The following HECW1 variants were observed in gnomAD, a reference collection of about 807,000 sequenced individuals.
The protein encoded by HECW1 is HECT, C2 and WW domain containing E3 ubiquitin protein ligase 1, also known as E3 ubiquitin-protein ligase HECW1.
Under a neutral mutation model 182.3 loss-of-function variants are expected in HECW1, and 61 were observed. That is an observed-to-expected ratio of 0.33 (90% confidence interval 0.27 to 0.41). The LOEUF is 0.41. Ranked by LOEUF, HECW1 falls within the 10% of genes least tolerant of loss-of-function variation. The probability of loss-of-function intolerance (pLI) is 1.00; values close to 1 mark genes in which losing one functional copy is unlikely to be tolerated. For missense variants in HECW1, 1,739 were observed against 2,108.9 expected (o/e 0.82, Z 3.44); for synonymous variants, 859 against 832.6 (o/e 1.03, Z -0.55).
intron 4 of HECW1, among the ~76,000 whole-genome samples, chr7:43,313,341 T>C (rs540465722): frequency 3.0e-5 from 4 of 131,972 alleles, no homozygotes; most frequent in Non-Finnish European, 1.7e-5. Flanking sequence ...TAAAGAGCAT[T>C]TTTTTTTTTT....
At chr7:43,467,240 A>G (rs2077817268) in intron 15 of HECW1, among the ~76,000 whole-genome samples, 1 of 152,094 alleles carries the variant, frequency 6.6e-6, no homozygotes, top group African/African-American at 2.4e-5. Context: ...GTGTGACAGG[A>G]CCAGGCCGAA....
intron 8 of HECW1, among the ~76,000 whole-genome samples, chr7:43,430,793 T>TATTATTATTATTATTATTATTATTA (rs1584884024): frequency 6.7e-6 from 1 of 149,858 alleles, no homozygotes; most frequent in Admixed American, 6.7e-5. Flanking sequence ...TTATTATTAT[T>TATTATTATTATTATTATTATTATTA]ATTATTGAGA....
Position 43,205,669 on chromosome 7 carries a change from T to C in HECW1, c.-31-38206T>C, listed in dbSNP as rs55974790. On this transcript the variant is annotated intron_variant, in intron 2 of 29. Coordinates refer to ENST00000395891, the MANE Select transcript of HECW1 (RefSeq NM_015052.5). ...GTACACTCCACAGCATGCCTGGCCATGTGCAGTGGTCTCGTGACCACAGCT... is the reference window on the plus strand; with the variant it reads ...GTACACTCCACAGCATGCCTGGCCACGTGCAGTGGTCTCGTGACCACAGCT... Among the ~76,000 whole-genome samples, 1,257 of 152,308 alleles carry C rather than the reference T, an allele frequency of 8.3e-3. 5 individuals carry two copies. The highest frequency in any genetic ancestry group is 0.014 in the Non-Finnish European group (950 of 68,030).
intron 26 of HECW1, among the ~76,000 whole-genome samples, chr7:43,546,740 T>G (rs963331092): frequency 6.6e-6 from 1 of 152,160 alleles, no homozygotes; most frequent in African/African-American, 2.4e-5. Context: ...CAGGCTTTCT[T>G]GTTGGCAGCT....
chr7:43,378,917 C>T lies in HECW1; in HGVS notation c.556-17897C>T, dbSNP rs546783292. 1.5e-4 allele frequency among the ~76,000 whole-genome samples: 23 copies of T among 152,170 alleles called. No homozygotes were observed. In the East Asian group the frequency reaches 1.7e-3, roughly 11 times the overall value. On this transcript the variant is annotated intron_variant, in intron 6 of 29. Coordinates refer to ENST00000395891, the MANE Select transcript of HECW1 (RefSeq NM_015052.5). ...AAAAAACAAAATAAAAAACCCTTTG[C>T]GCTTTGAACAGGAAAGAAAATAGGG...
At chr7:43,398,190 G>T (rs112686884) in intron 7 of HECW1, among the ~76,000 whole-genome samples, 18,446 of 152,170 alleles carry the variant, frequency 0.12, 1,315 homozygotes, top group Middle Eastern at 0.28. Context: ...ATGGGAGGTG[G>T]AGGTTGCAGT....
At chr7:43,388,178 A>C (rs1428305684) in intron 6 of HECW1, among the ~76,000 whole-genome samples, 1 of 152,092 alleles carries the variant, frequency 6.6e-6, no homozygotes, top group African/African-American at 2.4e-5. Context: ...GCCTGTGACC[A>C]CCTCCGTAAA....
chr7:43,526,891 G>A (rs35304045), intron 24 of HECW1, among the ~76,000 whole-genome samples: 46,099 of 151,986 alleles, frequency 0.3, 7,098 homozygotes, highest in Middle Eastern at 0.42. Flanking sequence ...TGCTACTCGG[G>A]AGACTAAGGC....
chr7:43,150,035 G>A lies in HECW1; in HGVS notation c.-32+35644G>A, dbSNP rs146409336. Among the ~76,000 whole-genome samples, 1,090 of 152,234 alleles carry A rather than the reference G, an allele frequency of 7.2e-3. 16 individuals carry two copies. Among genetic ancestry groups the A allele is most frequent in the African/African-American group, 0.025 (1,054 of 41,548 alleles). On this transcript the variant is annotated intron_variant, in intron 2 of 29. Transcript: ENST00000395891. ...TATTATCTCATGATATCTTCTTGCA[G>A]TGCAATATATCTTATGGTTAAAAAT...
chr7:43,305,555 C>G (rs1193481640), intron 3 of HECW1, among the ~76,000 whole-genome samples: 1 of 151,978 alleles, frequency 6.6e-6, no homozygotes, highest in Non-Finnish European at 1.5e-5. Context: ...GGTTTTCTAG[C>G]AACCTGAGAA....
At position 43,396,885 on chromosome 7, in the gene HECW1, C is replaced by T; in HGVS notation, c.627C>T (p.Leu209=). The change falls in exon 7 of 30, where the codon CTC becomes CTT. Residue 209 remains leucine (L), a synonymous_variant. Transcript: ENST00000395891. ...GTCGGAGGCTGATCAGCTTCTCTCT[C>T]TCAGGTATGTTTTGCTCACCTGAGA... is the stretch of plus-strand genomic sequence containing the variant. ...QGSRRLISFS[L]SDFQAMGLKK... 6.2e-7 allele frequency: 1 copy of T among 1,611,374 alleles called. No individual in the cohort carries two copies. The highest frequency in any genetic ancestry group is 8.5e-7 in the Non-Finnish European group (1 of 1,178,284).
In HECW1 at chr7:43,114,187, A is replaced by G. The variant is rs1784861452; in HGVS notation, c.-236A>G. The G allele has an allele frequency of 2.4e-6, 3 of 1,250,618 alleles. No individual in the cohort carries two copies. Among genetic ancestry groups the G allele is most frequent in the Admixed American group, 2.7e-5 (1 of 37,422 alleles). The allele number at this position is 1,250,618 out of a possible 1,614,324, so 77.5% of individuals were successfully genotyped here. A position where few individuals can be genotyped will look rare whatever the true frequency, so the allele number is the denominator to read the frequency against. On this transcript the variant is annotated 5_prime_UTR_variant, in exon 2 of 30. It adds an upstream start codon to the 5' untranslated region. Transcript: ENST00000395891. ...AATGCTATGTTCAGCAGAAACGGATACAGCAAGAGCAGCATAGTTCAAAAA... is the reference window on the plus strand; with the variant it reads ...AATGCTATGTTCAGCAGAAACGGATGCAGCAAGAGCAGCATAGTTCAAAAA...
chr7:43,327,177 G>A lies in HECW1; in HGVS notation c.460+6435G>A, dbSNP rs370406437. ...CCTTAAGAAGGTTAAGTCTACATGA[G>A]GAGACTGAACCCCACCTGTGCAACG... On this transcript the variant is annotated intron_variant, in intron 5 of 29. Transcript: ENST00000395891. Among the ~76,000 whole-genome samples the A allele has an allele frequency of 2.6e-4, 39 of 148,244 alleles. No homozygotes were observed. In the East Asian group the frequency reaches 4.4e-3, roughly 17 times the overall value.
At position 43,507,195 on chromosome 7, in the gene HECW1, G is replaced by A. The variant is rs778010430; in HGVS notation, c.3690G>A (p.Lys1230=). The A allele has an allele frequency of 6.2e-7, 1 of 1,614,090 alleles. No homozygotes were observed. The highest frequency in any genetic ancestry group is 2.2e-5 in the East Asian group (1 of 44,888). ...CCTACCGAAGAGACTTTGAGGCCAA[G>A]CTCCGCAATTTCTACAGAAAACTGG... is the stretch of plus-strand genomic sequence containing the variant. The part of the protein sequence containing the change: ...PSPYRRDFEA[K]LRNFYRKLEA... Residue 1230 remains lysine (K), a synonymous_variant, in exon 22 of 30, where the codon AAG becomes AAA. Coordinates refer to ENST00000395891, the MANE Select transcript of HECW1 (RefSeq NM_015052.5).
chr7:43,157,655 G>A (rs1220108573), intron 2 of HECW1, among the ~76,000 whole-genome samples: 1 of 152,128 alleles, frequency 6.6e-6, no homozygotes, highest in Non-Finnish European at 1.5e-5. Context: ...CTGTTTCCCA[G>A]GCTTAAGAGA....
chr7:43,118,156 A>G (rs898835857), intron 2 of HECW1: 3 of 152,566 alleles, frequency 2.0e-5, no homozygotes, highest in African/African-American at 7.2e-5. Context: ...TATTTAGTGA[A>G]GCAGATTTTC....
intron 2 of HECW1, among the ~76,000 whole-genome samples, chr7:43,140,814 TC>T (rs1788077100): frequency 6.6e-6 from 1 of 152,114 alleles, no homozygotes; most frequent in South Asian, 2.1e-4. Flanking sequence ...TCCCACTGAG[TC>T]CGTTCCTGGT....
intron 2 of HECW1, among the ~76,000 whole-genome samples, chr7:43,133,702 A>G (rs1260867143): frequency 6.6e-6 from 1 of 151,526 alleles, no homozygotes; most frequent in Non-Finnish European, 1.5e-5. Context: ...TTAGTTGTAA[A>G]TGTGTCTATT....
At chr7:43,343,111 ATC>A (rs144639181) in intron 5 of HECW1, among the ~76,000 whole-genome samples, 21,969 of 151,264 alleles carry the variant, frequency 0.15, 1,882 homozygotes, top group Middle Eastern at 0.3. Context: ...GTGCTGATCT[ATC>A]TCTGTCTAAT....
Sources: gnomAD v4.1 joint callset for allele counts (sites outside exome capture counted in the v4.1 genomes callset) on GRCh38, gnomAD v4.1.1 for gene constraint, MANE v1.5 for transcripts, NCBI Gene and HGNC (gene_info 2026-07-23, HGNC 2026-07-21) for gene names.